The following PXDNL variants were observed in gnomAD, a reference collection of about 807,000 sequenced individuals.
PXDNL encodes probable oxidoreductase PXDNL.
PXDNL carries 145 observed loss-of-function variants against 150.8 expected under a neutral mutation model. The ratio of observed to expected loss-of-function variants is 0.96; its 90% CI spans 0.84 to 1.10. PXDNL has a LOEUF of 1.10. Among genes scored for constraint, PXDNL ranks in the 50% least tolerant of loss-of-function variants. The pLI is 0.00. For synonymous variants in PXDNL, 757 were observed against 725.7 expected (o/e 1.04, Z -0.69); for missense variants, 2,087 against 1,873.9 (o/e 1.11, Z -2.10).
rs527250554 is a variant in PXDNL at position 51,639,270 on chromosome 8, C to A, written c.236+15419G>T. On this transcript the variant is annotated intron_variant, in intron 2 of 22. Transcript: ENST00000356297. ...AGCAAGAAAGATCTAAAACTGACAC[C>A]CTAACATCACAATTAAAAGAACTAG... 2.6e-5 allele frequency among the ~76,000 whole-genome samples: 4 copies of A among 152,114 alleles called. No homozygotes were observed. The East Asian group carries it at 7.7e-4, about 29-fold the overall frequency.
chr8:51,544,624 C>A (rs1292874737), intron 4 of PXDNL, among the ~76,000 whole-genome samples: 2 of 152,150 alleles, frequency 1.3e-5, no homozygotes, highest in Non-Finnish European at 2.9e-5. Flanking sequence ...AGCAAACAAT[C>A]AAGAAAAGAA....
intron 2 of PXDNL, among the ~76,000 whole-genome samples, chr8:51,641,213 A>T (rs1317369539): frequency 7.5e-6 from 1 of 133,582 alleles, no homozygotes; most frequent in Non-Finnish European, 1.6e-5. Context: ...TTCAAGATGG[A>T]TTAAAGACTT....
intron 19 of PXDNL, among the ~76,000 whole-genome samples, chr8:51,367,454 G>A (rs903412216): frequency 1.3e-5 from 2 of 152,096 alleles, no homozygotes; most frequent in African/African-American, 2.4e-5. Context: ...AATAAAGTGG[G>A]TATTAATATA....
At chr8:51,476,280 C>T (rs1021504806) in intron 6 of PXDNL, among the ~76,000 whole-genome samples, 2 of 152,152 alleles carry the variant, frequency 1.3e-5, no homozygotes, top group Non-Finnish European at 2.9e-5. Flanking sequence ...GTGTGATCCA[C>T]GCAGCTCCCC....
At chr8:51,622,835 G>A (rs74556235) in intron 2 of PXDNL, among the ~76,000 whole-genome samples, 4,338 of 152,254 alleles carry the variant, frequency 0.028, 85 homozygotes, top group African/African-American at 0.048. Flanking sequence ...CACTCTGGCC[G>A]GAGCTCCTGC....
chr8:51,596,337 A>C (rs1022846242), intron 2 of PXDNL, among the ~76,000 whole-genome samples: 1 of 152,084 alleles, frequency 6.6e-6, no homozygotes, highest in Admixed American at 6.5e-5. Context: ...TTTTGCTATT[A>C]TGTAGAGAGC....
chr8:51,809,185 C>T lies in PXDNL; in HGVS notation c.160G>A (p.Val54Ile), dbSNP rs1157712884. Reference sequence around the variant, plus strand: ...GGGGAATTTATGTGAACTTACAGAACTGTGGTCTGCTGTGGTACCTGAGGA... The same window carrying T: ...GGGGAATTTATGTGAACTTACAGAATTGTGGTCTGCTGTGGTACCTGAGGA... ...HIPQVPQQTT[V>I]LDLRFNRIRE... Residue 54 changes from valine (V) to isoleucine (I), a missense_variant, in exon 1 of 23, where the codon GTT becomes ATT. Coordinates refer to ENST00000356297, the MANE Select transcript of PXDNL (RefSeq NM_144651.5). 4.3e-6 allele frequency: 7 copies of T among 1,613,662 alleles called. No individual in the cohort carries two copies. In the East Asian group the frequency reaches 1.3e-4, roughly 31 times the overall value.
chr8:51,656,893 T>C (rs1815160830), intron 1 of PXDNL, among the ~76,000 whole-genome samples: 2 of 152,198 alleles, frequency 1.3e-5, no homozygotes, highest in African/African-American at 2.4e-5. Context: ...ATGTAACCAC[T>C]CATGTATTTG....
chr8:51,789,885 T>C (rs191677917), intron 1 of PXDNL, among the ~76,000 whole-genome samples: 246 of 152,316 alleles, frequency 1.6e-3, no homozygotes, highest in African/African-American at 5.4e-3. Flanking sequence ...TTTTAAAAAA[T>C]GAATTATTGT....
At chr8:51,375,401 GT>G (rs1247673859) in intron 17 of PXDNL, among the ~76,000 whole-genome samples, 2 of 152,090 alleles carry the variant, frequency 1.3e-5, no homozygotes, top group African/African-American at 2.4e-5. Context: ...CACTCTGATT[GT>G]TTTTTTCTCT....
intron 17 of PXDNL, among the ~76,000 whole-genome samples, chr8:51,378,521 G>A (rs3115786): frequency 0.81 from 123,293 of 152,208 alleles, 50,177 homozygotes; most frequent in East Asian, 0.95. Flanking sequence ...AGAAAAGGGT[G>A]AAAAAGCAGG....
intron 1 of PXDNL, among the ~76,000 whole-genome samples, chr8:51,800,980 G>A (rs1379332063): frequency 6.6e-6 from 1 of 152,190 alleles, no homozygotes; most frequent in Non-Finnish European, 1.5e-5. Context: ...TAGGGAACAA[G>A]GGAAGACAAC....
rs1033524710 is a variant in PXDNL, at chr8:51,581,860, A to G, written c.308+10767T>C. On this transcript the variant is annotated intron_variant, in intron 3 of 22. Transcript: ENST00000356297. ...CATGAGGTCCTCAGCTTTTGATGGG[A>G]GATGTTTCATTACTGATGCAATCTG... Among the ~76,000 whole-genome samples the G allele has an allele frequency of 3.9e-5, 6 of 152,226 alleles. No homozygotes were observed. In the East Asian group the frequency reaches 1.2e-3, roughly 29 times the overall value.
At chr8:51,644,625 A>AT (rs1814877318) in intron 2 of PXDNL, among the ~76,000 whole-genome samples, 5 of 150,670 alleles carry the variant, frequency 3.3e-5, no homozygotes, top group Non-Finnish European at 7.4e-5. Context: ...GCGCCCAGCT[A>AT]TTTTTGTATT....
rs765718763 is a variant in PXDNL, at chr8:51,426,651, T to C, written c.1633A>G (p.Asn545Asp). ...ACTTTTAGTTGAGATCTTACCTTAT[T>C]CCAAGTAATTATGGGCTGTGGTTCT... Reference protein sequence around the residue: ...QGEPQPIITWNKEGVQITESG... With the variant: ...QGEPQPIITWDKEGVQITESG... The change falls in exon 13 of 23, where the codon AAT (asparagine) becomes GAT (aspartate). Residue 545 changes from asparagine to aspartate, a missense_variant. Physicochemically the swap from Asn to Asp is conservative, Grantham distance 23 (BLOSUM62 1). Transcript: ENST00000356297. The C allele has an allele frequency of 5.1e-6, 8 of 1,565,160 alleles. No individual in the cohort carries two copies. In the Admixed American group the frequency reaches 6.8e-5, roughly 13 times the overall value.
chr8:51,652,466 C>A (rs930701541), intron 2 of PXDNL, among the ~76,000 whole-genome samples: 2 of 151,596 alleles, frequency 1.3e-5, no homozygotes, highest in African/African-American at 4.8e-5. Flanking sequence ...CACACAAACA[C>A]ACACACACAC....
chr8:51,443,725 A>G (rs1239321209), intron 12 of PXDNL, among the ~76,000 whole-genome samples: 1 of 152,226 alleles, frequency 6.6e-6, no homozygotes, highest in African/African-American at 2.4e-5. Flanking sequence ...AACTGCTTTC[A>G]AATTCAATCT....
chr8:51,485,522 T>G (rs1309549787), intron 5 of PXDNL, among the ~76,000 whole-genome samples: 1 of 152,212 alleles, frequency 6.6e-6, no homozygotes, highest in Non-Finnish European at 1.5e-5. Context: ...CCTTGATACC[T>G]GAAATTCCTC....
intron 2 of PXDNL, among the ~76,000 whole-genome samples, chr8:51,610,019 TAATAC>T (rs33961790): frequency 0.21 from 31,207 of 151,936 alleles, 3,549 homozygotes; most frequent in African/African-American, 0.28. Flanking sequence ...GGCCTTCTAT[TAATAC>T]AATAATCTTT....
Sources: allele counts gnomAD v4.1 joint callset (sites outside exome capture counted in the v4.1 genomes callset), GRCh38; gene constraint gnomAD v4.1.1; transcripts MANE v1.5; gene names NCBI Gene and HGNC (gene_info 2026-07-23, HGNC 2026-07-21).